The following ZDHHC14 variants were observed in gnomAD, a reference collection of about 807,000 sequenced individuals.
ZDHHC14 encodes the protein palmitoyltransferase ZDHHC14.
Under a neutral mutation model 47.7 loss-of-function variants are expected in ZDHHC14, and 16 were observed. That is an observed-to-expected ratio of 0.34 (90% CI 0.23 to 0.51). ZDHHC14 has a LOEUF of 0.51. ZDHHC14 is among the 20% of genes least tolerant of loss of function. ZDHHC14 has a pLI of 0.97. For synonymous variants in ZDHHC14, 293 were observed against 278.9 expected, an observed-to-expected ratio of 1.05 and a Z score of -0.50; for missense variants, 515 against 662.5, an observed-to-expected ratio of 0.78 and a Z score of 2.44.
intron 1 of ZDHHC14, among the ~76,000 whole-genome samples, chr6:157,496,828 T>C (rs912403003): frequency 6.6e-6 from 1 of 152,248 alleles, no homozygotes; most frequent in African/African-American, 2.4e-5. Flanking sequence ...AGGAATCCAA[T>C]ACACACGCCG....
At chr6:157,642,267 C>T (rs1777293142) in intron 5 of ZDHHC14, among the ~76,000 whole-genome samples, 1 of 152,180 alleles carries the variant, frequency 6.6e-6, no homozygotes, top group Non-Finnish European at 1.5e-5. Flanking sequence ...AACCATTCTG[C>T]CTCCTGCACA....
chr6:157,385,305 T>C (rs549939664), intron 1 of ZDHHC14, among the ~76,000 whole-genome samples: 1 of 151,336 alleles, frequency 6.6e-6, no homozygotes, highest in Non-Finnish European at 1.5e-5. Context: ...TTGCTCACTA[T>C]GATCCTGGGC....
At chr6:157,533,713 G>A (rs1781446124) in intron 1 of ZDHHC14, among the ~76,000 whole-genome samples, 1 of 152,224 alleles carries the variant, frequency 6.6e-6, no homozygotes, top group Non-Finnish European at 1.5e-5. Flanking sequence ...TGGGCACGGA[G>A]TGCAGCCTAG....
chr6:157,402,981 C>T (rs1015224467), intron 1 of ZDHHC14, among the ~76,000 whole-genome samples: 2 of 152,204 alleles, frequency 1.3e-5, no homozygotes, highest in African/African-American at 2.4e-5. Flanking sequence ...GTGATCCGCC[C>T]GCATCTGCCT....
chr6:157,643,972 T>G (rs1777390123), intron 5 of ZDHHC14, among the ~76,000 whole-genome samples: 2 of 152,144 alleles, frequency 1.3e-5, no homozygotes. Flanking sequence ...AATCTGGTTC[T>G]GTTCTTGATT....
intron 1 of ZDHHC14, among the ~76,000 whole-genome samples, chr6:157,506,151 G>A (rs910767486): frequency 9.9e-5 from 15 of 152,180 alleles, no homozygotes; most frequent in African/African-American, 3.6e-4. Flanking sequence ...TCTATTTCTG[G>A]TGTCATTTGT....
rs528518877 is a variant in ZDHHC14 at position 157,451,610 on chromosome 6, G to T, written c.245+69344G>T. 2.0e-5 allele frequency among the ~76,000 whole-genome samples: 3 copies of T among 152,210 alleles called. No homozygotes were observed. In the East Asian group the frequency reaches 5.8e-4, roughly 29 times the overall value. On this transcript the variant is annotated intron_variant, in intron 1 of 8. Coordinates refer to ENST00000359775, the MANE Select transcript of ZDHHC14 (RefSeq NM_024630.3). ...GAGTCTTGCTCTGTCACCCAGGCTGGAGGGCAGTGGCGCAATATCAGCTCA... is the reference window on the plus strand; with the variant it reads ...GAGTCTTGCTCTGTCACCCAGGCTGTAGGGCAGTGGCGCAATATCAGCTCA...
At position 157,674,585 on chromosome 6, in the gene ZDHHC14, T is replaced by C. The variant is rs368665366; in HGVS notation, c.*1463T>C. The C allele has an allele frequency of 3.9e-5, 6 of 152,328 alleles. No homozygotes were observed. In the East Asian group the frequency reaches 1.2e-3, roughly 29 times the overall value. 9.4% of individuals were successfully genotyped at this position (152,328 alleles called of 1,614,324 possible). ...CTAAAGCTACTCAAGTTCAAAGCCA[T>C]GGCCTTGCTCCTTATAACCATATGA... is the stretch of plus-strand genomic sequence containing the variant. On this transcript the variant is annotated 3_prime_UTR_variant, in exon 9 of 9. Transcript: ENST00000359775.
chr6:157,427,145 G>A lies in ZDHHC14; in HGVS notation c.245+44879G>A, dbSNP rs928078372. Among the ~76,000 whole-genome samples, 2 of 152,040 alleles carry A rather than the reference G, an allele frequency of 1.3e-5. No individual in the cohort carries two copies. Among genetic ancestry groups the A allele is most frequent in the South Asian group, 2.1e-4 (1 of 4,822 alleles). ...CAGGGCGGAGGGACAAGGCTCAGGCGTAGACCTGGAGGGGCATCGGGCCTG... is the reference window on the plus strand; with the variant it reads ...CAGGGCGGAGGGACAAGGCTCAGGCATAGACCTGGAGGGGCATCGGGCCTG... On this transcript the variant is annotated intron_variant, in intron 1 of 8. Transcript: ENST00000359775. This position sits in a 1 kb window ranked among gnomAD's most constrained non-coding sequence, Gnocchi z 4.4.
intron 3 of ZDHHC14, among the ~76,000 whole-genome samples, chr6:157,601,091 C>T (rs1047989752): frequency 6.6e-6 from 1 of 152,196 alleles, no homozygotes; most frequent in Admixed American, 6.5e-5. Context: ...CACGGGGCTC[C>T]TGACCCACAA....
At chr6:157,478,146 G>T (rs1779536037) in intron 1 of ZDHHC14, among the ~76,000 whole-genome samples, 1 of 152,130 alleles carries the variant, frequency 6.6e-6, no homozygotes, top group Admixed American at 6.5e-5. Context: ...CACGTCATTG[G>T]CAAACTTTGC....
At chr6:157,484,413 C>T (rs1445965050) in intron 1 of ZDHHC14, among the ~76,000 whole-genome samples, 1 of 141,630 alleles carries the variant, frequency 7.1e-6, no homozygotes, top group Non-Finnish European at 1.5e-5. Context: ...TATATGTATA[C>T]ACATATACAT....
Position 157,421,834 on chromosome 6 carries a change from C to G in ZDHHC14, c.245+39568C>G, listed in dbSNP as rs536995489. On this transcript the variant is annotated intron_variant, in intron 1 of 8. Transcript: ENST00000359775. ...TGTTGGTCAGGCTGGTCTGGAACTC[C>G]TGAGCTCAGGTGATCCACCCGCCTT... Among the ~76,000 whole-genome samples, 47 of 152,278 alleles carry G rather than the reference C, an allele frequency of 3.1e-4. 1 individual carries two copies. In the South Asian group the frequency reaches 6.4e-3, roughly 21 times the overall value.
intron 3 of ZDHHC14, among the ~76,000 whole-genome samples, chr6:157,603,627 C>T (rs1784421535): frequency 6.6e-6 from 1 of 152,144 alleles, no homozygotes; most frequent in African/African-American, 2.4e-5. Flanking sequence ...CCCTCAAAAA[C>T]CTCTGTGGCC....
rs1779235965 is a variant in ZDHHC14, at chr6:157,467,059, A to G, written c.246-75526A>G. On this transcript the variant is annotated intron_variant, in intron 1 of 8. Transcript: ENST00000359775. ...TTTGAGTTTGCAAACCCCATAAGGC[A>G]TGTTCCCATCTCTAATTTGGAAACA... Among the ~76,000 whole-genome samples, 4 of 152,198 alleles carry G rather than the reference A, an allele frequency of 2.6e-5. No individual in the cohort carries two copies. In the South Asian group the frequency reaches 8.3e-4, roughly 32 times the overall value.
intron 3 of ZDHHC14, among the ~76,000 whole-genome samples, chr6:157,601,642 A>G (rs907869564): frequency 2.0e-5 from 3 of 152,240 alleles, no homozygotes; most frequent in African/African-American, 4.8e-5. Context: ...TTAGAAGAAT[A>G]TACAAACAAC....
rs1226048752 is a variant in ZDHHC14, at chr6:157,411,661, ACT to A, written c.245+29400_245+29401del. The stretch of plus-strand genomic sequence containing the variant: ...AAAGAGAGAAAGTAAAAGGTTGAGT[ACT>A]CTCTGCACTATTTTTGGAGTTCCTT... On this transcript the variant is annotated intron_variant, in intron 1 of 8. Coordinates refer to ENST00000359775, the MANE Select transcript of ZDHHC14 (RefSeq NM_024630.3). Among the ~76,000 whole-genome samples the A allele has an allele frequency of 4.6e-5, 7 of 151,154 alleles. No homozygotes were observed. The Admixed American group carries it at 4.6e-4, about 10-fold the overall frequency.
In ZDHHC14 at chr6:157,523,105, G is replaced by A. The variant is rs1781019188; in HGVS notation, c.246-19480G>A. 2.0e-5 allele frequency among the ~76,000 whole-genome samples: 3 copies of A among 150,098 alleles called. No homozygotes were observed. In the Admixed American group the frequency reaches 2.0e-4, roughly 10 times the overall value. Reference sequence around the variant, plus strand: ...ATCTCCAGACTCCACCAGCAAGAGGGTGAATGGGATCTCTCTCTCTCTATA... The same window carrying A: ...ATCTCCAGACTCCACCAGCAAGAGGATGAATGGGATCTCTCTCTCTCTATA... On this transcript the variant is annotated intron_variant, in intron 1 of 8. Coordinates refer to ENST00000359775, the MANE Select transcript of ZDHHC14 (RefSeq NM_024630.3).
At chr6:157,636,810 A>G (rs906077046) in intron 5 of ZDHHC14, among the ~76,000 whole-genome samples, 4 of 152,194 alleles carry the variant, frequency 2.6e-5, no homozygotes, top group African/African-American at 9.6e-5. Flanking sequence ...AGAACATCAG[A>G]CACACACCCA....
Sources: gnomAD v4.1 joint callset for allele counts (sites outside exome capture counted in the v4.1 genomes callset) on GRCh38, gnomAD v4.1.1 for gene constraint, Gnocchi (gnomAD v3.1) non-coding constraint, MANE v1.5 for transcripts, NCBI Gene and HGNC (gene_info 2026-07-23, HGNC 2026-07-21) for gene names.